Variants in PRKAA1 observed in about 807,000 individuals in gnomAD.
PRKAA1 encodes protein kinase AMP-activated catalytic subunit alpha 1, also known as 5'-AMP-activated protein kinase catalytic subunit alpha-1.
In PRKAA1, 23 loss-of-function variants were observed where a neutral mutation model predicts 56.9. That is an observed-to-expected ratio of 0.40 (90% CI 0.29 to 0.57). The LOEUF (loss-of-function observed/expected upper bound fraction) is 0.57, where lower values mean the gene tolerates loss of function less well. Ranked by LOEUF, PRKAA1 falls within the 20% of genes least tolerant of loss-of-function variation. The probability of loss-of-function intolerance (pLI) is 0.39; values close to 1 mark genes in which losing one functional copy is unlikely to be tolerated. For synonymous variants in PRKAA1, 226 were observed against 227.0 expected (o/e 1.00, Z 0.04); for missense variants, 413 against 679.7 (o/e 0.61, Z 4.36).
intron 6 of PRKAA1, among the ~76,000 whole-genome samples, 176 bp from the exon 7 acceptor site, chr5:40,765,414 G>A (rs1230462425): frequency 6.6e-6 from 1 of 152,072 alleles, no homozygotes; most frequent in African/African-American, 2.4e-5. Context: ...GTATGTTGAG[G>A]GAAATGCTCC....
At position 40,771,813 on chromosome 5, in the gene PRKAA1, C is replaced by A; in HGVS notation, c.414G>T (p.Val138=). The stretch of plus-strand genomic sequence containing the variant: ...CCACCATATGCCTGTGACAATAATC[C>A]ACACCAGAAAGGATCTGTTGGAACA... ...RRLFQQILSG[V]DYCHRHMVVH... The change falls in exon 4 of 9, where the codon GTG becomes GTT. Residue 138 remains valine (V), a synonymous_variant. Coordinates refer to ENST00000397128, the MANE Select transcript of PRKAA1 (RefSeq NM_006251.6). The A allele has an allele frequency of 6.2e-7, 1 of 1,612,992 alleles. No individual in the cohort carries two copies. Among genetic ancestry groups the A allele is most frequent in the Non-Finnish European group, 8.5e-7 (1 of 1,179,764 alleles).
chr5:40,785,678 T>C (rs981562693), intron 1 of PRKAA1, among the ~76,000 whole-genome samples: 3 of 152,172 alleles, frequency 2.0e-5, no homozygotes, highest in African/African-American at 4.8e-5. Flanking sequence ...ACAAAATCTA[T>C]GTCAACCCAG....
intron 1 of PRKAA1, among the ~76,000 whole-genome samples, chr5:40,797,344 A>T (rs568119368): frequency 2.0e-5 from 3 of 152,236 alleles, no homozygotes; most frequent in Non-Finnish European, 2.9e-5. Flanking sequence ...GCAACATCTG[A>T]ACTAACAACG....
intron 4 of PRKAA1, 113 bp from the exon 5 acceptor site, chr5:40,769,616 T>G (rs1579720175): frequency 1.1e-6 from 1 of 872,884 alleles, no homozygotes; most frequent in East Asian, 2.5e-5. Context: ...ATTTTGTTAT[T>G]TGCTTCAACA....
In PRKAA1 at chr5:40,759,408, T is replaced by G. The variant is rs1388492211; in HGVS notation, c.*3370A>C. 1 of 152,326 alleles carries G rather than the reference T, an allele frequency of 6.6e-6. No individual in the cohort carries two copies. 9.4% of individuals were successfully genotyped at this position (152,326 alleles called of 1,614,324 possible). ...AGATGATAAATGGAGTTTTTCTTTATTATATCATATTTCTAAATCAAGGAA... is the reference window on the plus strand; with the variant it reads ...AGATGATAAATGGAGTTTTTCTTTAGTATATCATATTTCTAAATCAAGGAA... On this transcript the variant is annotated 3_prime_UTR_variant, in exon 9 of 9. Coordinates refer to ENST00000397128, the MANE Select transcript of PRKAA1 (RefSeq NM_006251.6).
intron 1 of PRKAA1, among the ~76,000 whole-genome samples, chr5:40,778,454 G>A (rs1579737357): frequency 6.6e-6 from 1 of 152,214 alleles, no homozygotes; most frequent in East Asian, 1.9e-4. Context: ...GAAGACTAAA[G>A]GAAGAGGGGA....
chr5:40,762,238 C>T lies in PRKAA1; in HGVS notation c.*540G>A, dbSNP rs902851988. The T allele has an allele frequency of 1.3e-5, 2 of 155,572 alleles. No individual in the cohort carries two copies. Among genetic ancestry groups the T allele is most frequent in the Non-Finnish European group, 2.8e-5 (2 of 70,304 alleles). 9.6% of individuals were successfully genotyped at this position (155,572 alleles called of 1,614,324 possible). On this transcript the variant is annotated 3_prime_UTR_variant, in exon 9 of 9. Coordinates refer to ENST00000397128, the MANE Select transcript of PRKAA1 (RefSeq NM_006251.6). ...AGTGAGCCGAGACCACACCATTGCA[C>T]TCCAGCCTGGGTGACAAAGTGACAC...
rs115007974 is a variant in PRKAA1, at chr5:40,784,200, T to C, written c.128-6614A>G. Among the ~76,000 whole-genome samples, 454 of 152,312 alleles carry C rather than the reference T, an allele frequency of 3.0e-3. 2 individuals are homozygous for C. The highest frequency in any genetic ancestry group is 0.01 in the African/African-American group (427 of 41,576). ...CTGTATCTAATCAGCCCTGAATTATTTGTTTTAATCTCTGAATAGCCAGTT... is the reference window on the plus strand; with the variant it reads ...CTGTATCTAATCAGCCCTGAATTATCTGTTTTAATCTCTGAATAGCCAGTT... On this transcript the variant is annotated intron_variant, in intron 1 of 8. Coordinates refer to ENST00000397128, the MANE Select transcript of PRKAA1 (RefSeq NM_006251.6).
rs896348034 is a variant in PRKAA1 at position 40,783,895 on chromosome 5, T to C, written c.128-6309A>G. On this transcript the variant is annotated intron_variant, in intron 1 of 8. Coordinates refer to ENST00000397128, the MANE Select transcript of PRKAA1 (RefSeq NM_006251.6). Reference sequence around the variant, plus strand: ...GTGAAAGCAGTATGTATACAAAGCATAGATTTTATAGTCGCACAGACCTCG... The same window carrying C: ...GTGAAAGCAGTATGTATACAAAGCACAGATTTTATAGTCGCACAGACCTCG... Among the ~76,000 whole-genome samples, 13 of 152,156 alleles carry C rather than the reference T, an allele frequency of 8.5e-5. No homozygotes were observed. The East Asian group carries it at 1.9e-3, about 23-fold the overall frequency.
chr5:40,781,411 G>A (rs187433839), intron 1 of PRKAA1, among the ~76,000 whole-genome samples: 1 of 152,070 alleles, frequency 6.6e-6, no homozygotes. Context: ...AAGAAAGATG[G>A]CATGGAATCC....
At chr5:40,795,311 G>A (rs918641040) in intron 1 of PRKAA1, among the ~76,000 whole-genome samples, 1 of 151,940 alleles carries the variant, frequency 6.6e-6, no homozygotes. Context: ...GGTGATGGGT[G>A]CACCAAAATC....
At chr5:40,790,447 T>C (rs1277709540) in intron 1 of PRKAA1, among the ~76,000 whole-genome samples, 3 of 149,926 alleles carry the variant, frequency 2.0e-5, no homozygotes, top group East Asian at 1.9e-4. Context: ...TCCCAGCCTA[T>C]AGTGTTCCAG....
At chr5:40,796,404 T>C (rs923826777) in intron 1 of PRKAA1, among the ~76,000 whole-genome samples, 1 of 151,848 alleles carries the variant, frequency 6.6e-6, no homozygotes, top group Non-Finnish European at 1.5e-5. Flanking sequence ...ATGAACACCC[T>C]AATCCAGGCA....
At chr5:40,765,848 C>T (rs1360856009) in intron 6 of PRKAA1, among the ~76,000 whole-genome samples, 1 of 151,912 alleles carries the variant, frequency 6.6e-6, no homozygotes, top group Non-Finnish European at 1.5e-5. Flanking sequence ...AGGCCATGCC[C>T]TGAATGATTT....
chr5:40,775,509 G>T lies in PRKAA1; in HGVS notation c.270-6C>A. ...GTGTACTGATGACCTGGTACCTGGT[G>T]AGAGAAAACATTGTCTACAAATATT... On this transcript the variant is annotated splice_region_variant and splice_polypyrimidine_tract_variant and intron_variant, in intron 2 of 8. Coordinates refer to ENST00000397128, the MANE Select transcript of PRKAA1 (RefSeq NM_006251.6). 1.3e-6 allele frequency: 2 copies of T among 1,558,132 alleles called. No homozygotes were observed. Among genetic ancestry groups the T allele is most frequent in the South Asian group, 1.1e-5 (1 of 89,840 alleles).
In PRKAA1 at chr5:40,798,157, C is replaced by A. The variant is rs778856933; in HGVS notation, c.33G>T (p.Ala11=). MRRLSSWRKM[A]TAEKQKHDGR... is the part of the protein sequence containing the mutation. ...CGTCGTGTTTCTGCTTCTCGGCTGT[C>A]GCCATCTTTCTCCAGGAACTGAGTC... The change falls in exon 1 of 9, where the codon GCG becomes GCT. Residue 11 remains alanine (A), a synonymous_variant. Transcript: ENST00000397128. The A allele has an allele frequency of 6.3e-7, 1 of 1,596,922 alleles. No individual in the cohort carries two copies. Among genetic ancestry groups the A allele is most frequent in the South Asian group, 1.1e-5 (1 of 90,474 alleles).
chr5:40,792,696 T>G (rs991412495), intron 1 of PRKAA1, among the ~76,000 whole-genome samples: 11 of 152,190 alleles, frequency 7.2e-5, no homozygotes, highest in African/African-American at 2.7e-4. Flanking sequence ...TTAAAGGAAT[T>G]TTTAAATAAC....
intron 1 of PRKAA1, among the ~76,000 whole-genome samples, chr5:40,783,801 G>A (rs1744361787): frequency 6.6e-6 from 1 of 152,114 alleles, no homozygotes; most frequent in Non-Finnish European, 1.5e-5. Flanking sequence ...ATTGGAAGTA[G>A]TATTAGCAGA....
At chr5:40,779,132 A>G (rs753837762) in intron 1 of PRKAA1, among the ~76,000 whole-genome samples, 19 of 147,328 alleles carry the variant, frequency 1.3e-4, no homozygotes, top group South Asian at 2.1e-4. Context: ...AAATAAAGGG[A>G]AAAAAAAAAT....
Sources: gnomAD v4.1 joint callset for allele counts (sites outside exome capture counted in the v4.1 genomes callset) on GRCh38, gnomAD v4.1.1 for gene constraint, MANE v1.5 for transcripts, NCBI Gene and HGNC (gene_info 2026-07-23, HGNC 2026-07-21) for gene names.